GNL1: variants seen among roughly 807,000 people sequenced by gnomAD.
The protein encoded by GNL1 is G protein nucleolar 1, also known as guanine nucleotide-binding protein-like 1.
In GNL1, 21 loss-of-function variants were observed where a neutral mutation model predicts 75.2. The observed-to-expected ratio is 0.28, with a 90% confidence interval of 0.20 to 0.40. GNL1 has a LOEUF of 0.40. GNL1 is among the 10% of genes least tolerant of loss of function. GNL1 has a pLI of 1.00. For synonymous variants in GNL1, 287 were observed against 303.4 expected, an observed-to-expected ratio of 0.95 and a Z score of 0.56; for missense variants, 579 against 775.0, an observed-to-expected ratio of 0.75 and a Z score of 3.00.
chr6:30,555,324 TC>T lies in GNL1; in HGVS notation c.240-134del. On this transcript the variant is annotated intron_variant, in intron 2 of 11. Transcript: ENST00000376621. This position sits in a 1 kb window ranked among gnomAD's most constrained non-coding sequence, Gnocchi z 4.3. The stretch of plus-strand genomic sequence containing the variant: ...CAAGTCTCCTCTCTCAAGTCAGACT[TC>T]CCCCAAGTCCTTCTTTCAGGCAATA... 9.0e-7 allele frequency: 1 copy of T among 1,109,038 alleles called. No individual in the cohort carries two copies. Among genetic ancestry groups the T allele is most frequent in the Non-Finnish European group, 1.3e-6 (1 of 756,258 alleles). The allele number at this position is 1,109,038 out of a possible 1,614,324, so 68.7% of individuals were successfully genotyped here.
rs1418100670 is a variant in GNL1 at position 30,546,124 on chromosome 6, G to C, written c.1772C>G (p.Ser591Cys). The C allele has an allele frequency of 6.3e-7, 1 of 1,577,642 alleles. No individual in the cohort carries two copies. The highest frequency in any genetic ancestry group is 1.9e-5 in the Admixed American group (1 of 54,008). Residue 591 changes from serine to cysteine, a missense_variant, in exon 12 of 12, where the codon TCC becomes TGC. Physicochemically the swap from Ser to Cys is moderately radical, Grantham distance 112. Transcript: ENST00000376621. This position sits in a 1 kb window ranked among gnomAD's most constrained non-coding sequence, Gnocchi z 5.1. Reference sequence around the variant, plus strand: ...ATAAGGGTTTCGGCCAGCCAGGCTGGACCCTGGAGCCGAGGTTGGGGTCTC... The same window carrying C: ...ATAAGGGTTTCGGCCAGCCAGGCTGCACCCTGGAGCCGAGGTTGGGGTCTC... ...DEETPTSAPG[S>C]SLAGRNPYAL...
chr6:30,545,733 G>C lies in GNL1; in HGVS notation c.*339C>G. The C allele has an allele frequency of 3.2e-6, 1 of 315,342 alleles. No homozygotes were observed. The highest frequency in any genetic ancestry group is 5.8e-6 in the Non-Finnish European group (1 of 171,636). The allele number at this position is 315,342 out of a possible 1,614,324, so 19.5% of individuals were successfully genotyped here. On this transcript the variant is annotated 3_prime_UTR_variant, in exon 12 of 12. Transcript: ENST00000376621. ...GGAGAATGGCACAAACTCCAAAAGGGAGCTGGATTTAGACCTCCCCTCCCC... is the reference window on the plus strand; with the variant it reads ...GGAGAATGGCACAAACTCCAAAAGGCAGCTGGATTTAGACCTCCCCTCCCC...
At position 30,547,323 on chromosome 6, in the gene GNL1, C is replaced by G. The variant is rs369535397; in HGVS notation, c.1278+29G>C. ...CTTTCCTCAATGTCCCACCTTCTCT[C>G]TTTCCCTTACCCACCCTCCCCGTCA... is the stretch of plus-strand genomic sequence containing the variant. On this transcript the variant is annotated intron_variant, in intron 9 of 11. Transcript: ENST00000376621. The surrounding 1 kb of genome is among the most constrained non-coding windows in gnomAD (Gnocchi z 5.5). 1.9e-4 allele frequency: 300 copies of G among 1,584,196 alleles called. 3 individuals carry two copies. In the South Asian group the frequency reaches 2.8e-3, roughly 15 times the overall value.
rs576039877 is a variant in GNL1, at chr6:30,550,583, T to C, written c.1099+1884A>G. 3.3e-5 allele frequency among the ~76,000 whole-genome samples: 5 copies of C among 152,316 alleles called. No individual in the cohort carries two copies. The East Asian group carries it at 9.6e-4, about 29-fold the overall frequency. On this transcript the variant is annotated intron_variant, in intron 8 of 11. Transcript: ENST00000376621. The stretch of plus-strand genomic sequence containing the variant: ...CAACTGCTCTCTCTGCTCCCTTTCT[T>C]GCCCACCCCCCATCATTTATTCTCT...
chr6:30,542,206 C>T lies in GNL1; in HGVS notation c.*3866G>A, dbSNP rs1242595612. Reference sequence around the variant, plus strand: ...CACCTCTCCAAAGAAATGCTCCCACCAAGACCATGGAGGCCCCTCTCGTTG... The same window carrying T: ...CACCTCTCCAAAGAAATGCTCCCACTAAGACCATGGAGGCCCCTCTCGTTG... On this transcript the variant is annotated 3_prime_UTR_variant, in exon 12 of 12. Transcript: ENST00000376621. The surrounding 1 kb of genome is among the most constrained non-coding windows in gnomAD (Gnocchi z 4.5). The T allele has an allele frequency of 6.6e-6, 1 of 152,146 alleles. No homozygotes were observed. Among genetic ancestry groups the T allele is most frequent in the African/African-American group, 2.4e-5 (1 of 41,324 alleles). 9.4% of individuals were successfully genotyped at this position (152,146 alleles called of 1,614,324 possible). A position where few individuals can be genotyped will look rare whatever the true frequency, so the allele number is the denominator to read the frequency against.
Position 30,546,716 on chromosome 6 carries a change from G to A in GNL1, c.1562C>T (p.Pro521Leu), listed in dbSNP as rs1799474780. ...CTGACCTTTCTGTTCACTGTAGCCT[G>A]GGGGATGAAAACACAGGCTGAGGCG... is the stretch of plus-strand genomic sequence containing the variant. ...DGRLSLCFHP[P>L]GYSEQKGTWE... Residue 521 changes from proline (P) to leucine (L), a missense_variant, in exon 11 of 12, where the codon CCA (proline) becomes CTA (leucine). Transcript: ENST00000376621. The surrounding 1 kb of genome is among the most constrained non-coding windows in gnomAD (Gnocchi z 5.1). The A allele has an allele frequency of 6.2e-7, 1 of 1,609,718 alleles. No homozygotes were observed. Among genetic ancestry groups the A allele is most frequent in the Non-Finnish European group, 8.5e-7 (1 of 1,177,350 alleles).
Position 30,552,690 on chromosome 6 carries a change from G to C in GNL1, c.905-29C>G. ...CTCAAAGAAGGAGAAGATTAAAGAG[G>C]TTCTCCCCAGGGCTGCTGTGCATGA... On this transcript the variant is annotated intron_variant, in intron 7 of 11. Transcript: ENST00000376621. The surrounding 1 kb of genome is among the most constrained non-coding windows in gnomAD (Gnocchi z 4.5). 1.3e-6 allele frequency: 2 copies of C among 1,589,902 alleles called. No homozygotes were observed. The highest frequency in any genetic ancestry group is 1.7e-6 in the Non-Finnish European group (2 of 1,162,760).
In GNL1 at chr6:30,546,514, T is replaced by G; in HGVS notation, c.1582+182A>C. 1 of 679,394 alleles carries G rather than the reference T, an allele frequency of 1.5e-6. No individual in the cohort carries two copies. Among genetic ancestry groups the G allele is most frequent in the South Asian group, 1.8e-5 (1 of 55,082 alleles). 42.1% of individuals were successfully genotyped at this position (679,394 alleles called of 1,614,324 possible). The stretch of plus-strand genomic sequence containing the variant: ...TGCACATCAACTTCAATCTTTACAA[T>G]CACTATGCTAAGGGTCAATTATTAC... On this transcript the variant is annotated intron_variant, in intron 11 of 11. Coordinates refer to ENST00000376621, the MANE Select transcript of GNL1 (RefSeq NM_005275.5). The surrounding 1 kb of genome is among the most constrained non-coding windows in gnomAD (Gnocchi z 5.1).
chr6:30,553,682 A>T (rs1314997155), intron 5 of GNL1, 125 bp from the exon 6 acceptor site: 2 of 675,330 alleles, frequency 3.0e-6, no homozygotes, highest in Non-Finnish European at 5.3e-6. Flanking sequence ...CTGGGCTAAA[A>T]ACTATAAACC....
chr6:30,546,819 C>G lies in GNL1; in HGVS notation c.1459G>C (p.Gly487Arg). 6.3e-7 allele frequency: 1 copy of G among 1,591,116 alleles called. No homozygotes were observed. Among genetic ancestry groups the G allele is most frequent in the Non-Finnish European group, 8.6e-7 (1 of 1,164,140 alleles). The change falls in exon 11 of 12, where the codon GGT becomes CGT. Residue 487 changes from glycine (G) to arginine (R), a missense_variant. Physicochemically the swap from Gly to Arg is moderately radical, Grantham distance 125 (BLOSUM62 -2). Coordinates refer to ENST00000376621, the MANE Select transcript of GNL1 (RefSeq NM_005275.5). The surrounding 1 kb of genome is among the most constrained non-coding windows in gnomAD (Gnocchi z 5.1). ...CGAGCCGCCTTGGCTGTCTTGTAACCACGTTTCTCTGCCCAGGCTGGAGGA... is the reference window on the plus strand; with the variant it reads ...CGAGCCGCCTTGGCTGTCTTGTAACGACGTTTCTCTGCCCAGGCTGGAGGA... ...DICEAWAEKR[G>R]YKTAKAARND...
At position 30,552,953 on chromosome 6, in the gene GNL1, T is replaced by C; in HGVS notation, c.904+131A>G. ...CCCACCAAGTCAGTCTGCTCCTTAT[T>C]CTGTCCCTTCCCCTGGCCTCTTGCA... On this transcript the variant is annotated intron_variant, in intron 7 of 11. Transcript: ENST00000376621. The surrounding 1 kb of genome is among the most constrained non-coding windows in gnomAD (Gnocchi z 4.5). The C allele has an allele frequency of 1.4e-6, 1 of 734,902 alleles. No homozygotes were observed. Among genetic ancestry groups the C allele is most frequent in the South Asian group, 1.7e-5 (1 of 59,140 alleles). The allele number at this position is 734,902 out of a possible 1,614,324, so 45.5% of individuals were successfully genotyped here.
chr6:30,554,459 G>A (rs770931681), intron 5 of GNL1, 116 bp downstream of exon 5: 9 of 750,976 alleles, frequency 1.2e-5, no homozygotes, highest in Non-Finnish European at 2.2e-5. Flanking sequence ...GCACTAGGTA[G>A]AGATTAGAAA....
chr6:30,551,915 T>G (rs1799804655), intron 8 of GNL1, among the ~76,000 whole-genome samples: 1 of 152,090 alleles, frequency 6.6e-6, no homozygotes, highest in African/African-American at 2.4e-5. Flanking sequence ...CAGGCTGGAG[T>G]GCAGTGGCAC....
Position 30,552,601 on chromosome 6 carries a change from T to C in GNL1, c.965A>G (p.Asn322Ser). The change falls in exon 8 of 12, where the codon AAT (asparagine) becomes AGT (serine). Residue 322 changes from asparagine to serine, a missense_variant. Asn to Ser is a conservative substitution (Grantham distance 46, BLOSUM62 1). Coordinates refer to ENST00000376621, the MANE Select transcript of GNL1 (RefSeq NM_005275.5). The surrounding 1 kb of genome is among the most constrained non-coding windows in gnomAD (Gnocchi z 4.5). ...CTCTTCCTCCTCCTCCCCAGAGCCA[T>C]TACCCCAGGTGGCCCCAGCCACATC... ...ARDVAGATWG[N>S]GSGEEEEEED... The C allele has an allele frequency of 6.2e-7, 1 of 1,614,034 alleles. No homozygotes were observed. Among genetic ancestry groups the C allele is most frequent in the African/African-American group, 1.3e-5 (1 of 75,036 alleles).
chr6:30,546,663 C>G lies in GNL1; in HGVS notation c.1582+33G>C, dbSNP rs996904162. ...CCACACCCTTTTACCTACGCTATAGCAGGGGGCTGGGGAAGAATATCTGGG... is the reference window on the plus strand; with the variant it reads ...CCACACCCTTTTACCTACGCTATAGGAGGGGGCTGGGGAAGAATATCTGGG... On this transcript the variant is annotated intron_variant, in intron 11 of 11. Transcript: ENST00000376621. This position sits in a 1 kb window ranked among gnomAD's most constrained non-coding sequence, Gnocchi z 5.1. 4.5e-6 allele frequency: 7 copies of G among 1,564,228 alleles called. No homozygotes were observed. Among genetic ancestry groups the G allele is most frequent in the South Asian group, 1.1e-5 (1 of 88,120 alleles).
rs933374973 is a variant in GNL1 at position 30,543,669 on chromosome 6, G to C, written c.*2403C>G. The C allele has an allele frequency of 6.6e-6, 1 of 152,078 alleles. No individual in the cohort carries two copies. The highest frequency in any genetic ancestry group is 1.5e-5 in the Non-Finnish European group (1 of 68,034). 9.4% of individuals were successfully genotyped at this position (152,078 alleles called of 1,614,324 possible). A position where few individuals can be genotyped will look rare whatever the true frequency, so the allele number is the denominator to read the frequency against. On this transcript the variant is annotated 3_prime_UTR_variant, in exon 12 of 12. Transcript: ENST00000376621. ...TTATTCAATTTTGGTTATTGTCCCA[G>C]AACTCAGGGATATATGTCTGGCATA...
intron 5 of GNL1, among the ~76,000 whole-genome samples, chr6:30,554,194 G>A (rs1799987840): frequency 6.6e-6 from 1 of 152,188 alleles, no homozygotes; most frequent in South Asian, 2.1e-4. Context: ...TAGCATTCCA[G>A]GTGGGTTCTG....
rs1307209305 is a variant in GNL1, at chr6:30,546,930, A to T, written c.1442-94T>A. 7.9e-6 allele frequency: 10 copies of T among 1,258,838 alleles called. No individual in the cohort carries two copies. 78.0% of individuals were successfully genotyped at this position (1,258,838 alleles called of 1,614,324 possible). On this transcript the variant is annotated intron_variant, in intron 10 of 11. Coordinates refer to ENST00000376621, the MANE Select transcript of GNL1 (RefSeq NM_005275.5). This position sits in a 1 kb window ranked among gnomAD's most constrained non-coding sequence, Gnocchi z 5.1. ...AACACAGTCCTTCCAGTTTTCCCCA[A>T]AACATTCCAGGCCAGAGATCTTACT... is the stretch of plus-strand genomic sequence containing the variant.
intron 8 of GNL1, among the ~76,000 whole-genome samples, chr6:30,551,732 C>T (rs773330826): frequency 2.4e-4 from 36 of 152,162 alleles, no homozygotes; most frequent in Non-Finnish European, 1.9e-4. Context: ...TTTATATAAA[C>T]CACTTAAAAC....
Sources: gnomAD v4.1 joint callset for allele counts (sites outside exome capture counted in the v4.1 genomes callset) on GRCh38, gnomAD v4.1.1 for gene constraint, Gnocchi (gnomAD v3.1) non-coding constraint, MANE v1.5 for transcripts, NCBI Gene and HGNC (gene_info 2026-07-23, HGNC 2026-07-21) for gene names.